DSCC1: variants seen among roughly 807,000 people sequenced by gnomAD.
DSCC1 encodes the protein sister chromatid cohesion protein DCC1.
In DSCC1, 32 loss-of-function variants were observed where a neutral mutation model predicts 48.2. The observed-to-expected ratio is 0.66, with a 90% confidence interval of 0.50 to 0.89. The LOEUF is 0.89. DSCC1 is among the 40% of genes least tolerant of loss of function. The pLI, the probability that DSCC1 is intolerant of heterozygous loss-of-function variation, is 0.00. For missense variants in DSCC1, 421 were observed against 471.7 expected, an observed-to-expected ratio of 0.89 and a Z score of 1.00; for synonymous variants, 150 against 171.5, an observed-to-expected ratio of 0.87 and a Z score of 0.98.
In DSCC1 at chr8:119,850,456, G is replaced by T. The variant is rs763816060; in HGVS notation, c.412C>A (p.Leu138Ile). 3.1e-6 allele frequency: 5 copies of T among 1,600,832 alleles called. No homozygotes were observed. Among genetic ancestry groups the T allele is most frequent in the Non-Finnish European group, 4.3e-6 (5 of 1,175,198 alleles). Residue 138 changes from leucine to isoleucine, a missense_variant, in exon 3 of 9, where the codon CTA (leucine) becomes ATA (isoleucine). Physicochemically the swap from Leu to Ile is conservative, Grantham distance 5. Around this residue, in one of 3 missense-constraint regions of DSCC1, gnomAD observed 174 missense variants for 184.5 expected, o/e 0.94. Coordinates refer to ENST00000313655, the MANE Select transcript of DSCC1 (RefSeq NM_024094.3). ...LRRRRPKLKK[L>I]KKLLMENPYE... ...GGATTTTCCATCAAAAGTTTCTTTA[G>T]CTTCTTTAACTTGGGTCTACGTCTT...
At chr8:119,840,643 G>C (rs1826753436) in intron 7 of DSCC1, among the ~76,000 whole-genome samples, 1 of 152,126 alleles carries the variant, frequency 6.6e-6, no homozygotes, top group South Asian at 2.1e-4. Context: ...CGGGTGCAGT[G>C]GCTCACATCT....
At chr8:119,843,840 G>C (rs1826811445) in intron 4 of DSCC1, 93 bp from the exon 5 acceptor site, 2 of 1,317,368 alleles carry the variant, frequency 1.5e-6, no homozygotes, top group African/African-American at 3.0e-5. Flanking sequence ...TCAGTGGCGT[G>C]ATCTCAGCTC....
intron 7 of DSCC1, 51 bp downstream of exon 7, chr8:119,841,743 C>T (rs1441960273): frequency 6.3e-7 from 1 of 1,587,342 alleles, no homozygotes; most frequent in Non-Finnish European, 8.6e-7. Flanking sequence ...TATCATTCAC[C>T]TAGTAATTAA....
At chr8:119,855,321 C>G (rs893454884) in intron 1 of DSCC1, among the ~76,000 whole-genome samples, 2 of 152,182 alleles carry the variant, frequency 1.3e-5, no homozygotes, top group African/African-American at 4.8e-5. Context: ...TGTAGAGTCC[C>G]TGTAATCACC....
chr8:119,842,374 CT>C (rs60349433), intron 6 of DSCC1, among the ~76,000 whole-genome samples: 49,987 of 133,102 alleles, frequency 0.38, 8,839 homozygotes, highest in South Asian at 0.55. Context: ...CTGCACTGGC[CT>C]TTTTTTTTTT....
At chr8:119,842,394 T>C (rs1826786434) in intron 6 of DSCC1, among the ~76,000 whole-genome samples, 1 of 150,626 alleles carries the variant, frequency 6.6e-6, no homozygotes. Context: ...TTTTTTTTCT[T>C]TCTGAGAGAG....
intron 2 of DSCC1, among the ~76,000 whole-genome samples, chr8:119,851,260 G>T (rs2131310360): frequency 6.6e-6 from 1 of 152,348 alleles, no homozygotes; most frequent in South Asian, 2.1e-4. Context: ...GACAGGGGAT[G>T]CTTCTACTTT....
At position 119,838,323 on chromosome 8, in the gene DSCC1, G is replaced by A. The variant is rs772562797; in HGVS notation, c.1009C>T (p.Arg337Cys). 9.9e-6 allele frequency: 16 copies of A among 1,609,636 alleles called. 2 individuals carry two copies. In the Middle Eastern group the frequency reaches 9.9e-4, roughly 100 times the overall value. Reference sequence around the variant, plus strand: ...CTTAGAGAGAAAAGGCTATTAAAACGTTCCTGATTATCCTCAGGTAAATCA... The same window carrying A: ...CTTAGAGAGAAAAGGCTATTAAAACATTCCTGATTATCCTCAGGTAAATCA... ...VDDLPEDNQERFNSLFSLREK... is the reference protein window; with the variant it reads ...VDDLPEDNQECFNSLFSLREK... The change falls in exon 8 of 9, where the codon CGT becomes TGT. Residue 337 changes from arginine to cysteine, a missense_variant. Physicochemically the swap from Arg to Cys is radical, Grantham distance 180. This residue lies in a region of DSCC1 where 238 missense variants were observed against 259.0 expected (regional missense o/e 0.92). Coordinates refer to ENST00000313655, the MANE Select transcript of DSCC1 (RefSeq NM_024094.3).
intron 4 of DSCC1, 27 bp from the exon 5 acceptor site, chr8:119,843,774 C>T: frequency 1.3e-6 from 2 of 1,593,018 alleles, no homozygotes; most frequent in Non-Finnish European, 1.7e-6. Context: ...TTATATTTAC[C>T]AAAGAACTTT....
intron 8 of DSCC1, among the ~76,000 whole-genome samples, chr8:119,836,690 T>C (rs1297620720): frequency 6.6e-6 from 1 of 151,860 alleles, no homozygotes; most frequent in Non-Finnish European, 1.5e-5. Flanking sequence ...CAACTAGATA[T>C]AGGAATCTGG....
chr8:119,834,797 G>T lies in DSCC1; in HGVS notation c.*96C>A. ...GGAGAAAAATGCCTTAGAAGACTAG[G>T]TTTCTAAAAGTCAGAAATAAAAGTA... is the stretch of plus-strand genomic sequence containing the variant. On this transcript the variant is annotated 3_prime_UTR_variant, in exon 9 of 9. Coordinates refer to ENST00000313655, the MANE Select transcript of DSCC1 (RefSeq NM_024094.3). 1 of 811,818 alleles carries T rather than the reference G, an allele frequency of 1.2e-6. No individual in the cohort carries two copies. Among genetic ancestry groups the T allele is most frequent in the Non-Finnish European group, 2.0e-6 (1 of 490,424 alleles). The allele number at this position is 811,818 out of a possible 1,614,324, so 50.3% of individuals were successfully genotyped here.
At chr8:119,839,361 G>C (rs186521463) in intron 7 of DSCC1, 9 of 152,226 alleles carry the variant, frequency 5.9e-5, no homozygotes, top group Non-Finnish European at 1.5e-5. Context: ...TAGGAAAACA[G>C]GAAACTGAGG....
chr8:119,843,890 T>C lies in DSCC1; in HGVS notation c.578-143A>G. ...CTCCTGGTTTCAAGCAATTCTGCCA[T>C]CTCAGTCTCCTGAGCAGCTGGGACT... On this transcript the variant is annotated intron_variant, in intron 4 of 8. Coordinates refer to ENST00000313655, the MANE Select transcript of DSCC1 (RefSeq NM_024094.3). 6.4e-6 allele frequency: 5 copies of C among 784,008 alleles called. 1 individual carries two copies. The South Asian group carries it at 9.0e-5, about 14-fold the overall frequency. The allele number at this position is 784,008 out of a possible 1,614,324, so 48.6% of individuals were successfully genotyped here.
intron 8 of DSCC1, among the ~76,000 whole-genome samples, 177 bp from the exon 9 acceptor site, chr8:119,835,178 A>G (rs1388335986): frequency 1.3e-5 from 2 of 152,164 alleles, no homozygotes; most frequent in South Asian, 2.1e-4. Flanking sequence ...TAAATTAAGT[A>G]CATTATATGT....
chr8:119,849,047 C>T (rs374844119), intron 3 of DSCC1, among the ~76,000 whole-genome samples: 2,819 of 151,944 alleles, frequency 0.019, 86 homozygotes, highest in African/African-American at 0.064. Context: ...TAGCTGGGCG[C>T]GGTGGCGGGC....
intron 1 of DSCC1, among the ~76,000 whole-genome samples, 189 bp downstream of exon 1, chr8:119,855,425 C>T (rs1323933223): frequency 6.6e-6 from 1 of 152,228 alleles, no homozygotes; most frequent in Admixed American, 6.5e-5. Flanking sequence ...ACCAGTGCTA[C>T]TCATCACCGC....
At chr8:119,849,372 C>T (rs1826912612) in intron 3 of DSCC1, among the ~76,000 whole-genome samples, 1 of 152,130 alleles carries the variant, frequency 6.6e-6, no homozygotes, top group Admixed American at 6.6e-5. Flanking sequence ...CGCCACTGCA[C>T]TCCAGCCTGG....
chr8:119,841,014 C>T (rs1826760743), intron 7 of DSCC1, among the ~76,000 whole-genome samples: 1 of 151,592 alleles, frequency 6.6e-6, no homozygotes, highest in Admixed American at 6.6e-5. Flanking sequence ...ATTTTTGAGA[C>T]AGAGTCTTGC....
chr8:119,841,931 A>G lies in DSCC1; in HGVS notation c.787T>C (p.Leu263=). The G allele has an allele frequency of 6.2e-7, 1 of 1,613,792 alleles. No homozygotes were observed. The highest frequency in any genetic ancestry group is 2.2e-5 in the East Asian group (1 of 44,864). The change falls in exon 7 of 9, where the codon TTG becomes CTG. Residue 263 remains leucine, a synonymous_variant. Transcript: ENST00000313655. Reference sequence around the variant, plus strand: ...GCTCTACATATTTTATCAGCATCCAACTCAAAATAAACTTCGCCTAAGGAA... The same window carrying G: ...GCTCTACATATTTTATCAGCATCCAGCTCAAAATAAACTTCGCCTAAGGAA... The part of the protein sequence containing the change: ...YVDEGEVYFE[L]DADKICRAAA...
Sources: gnomAD v4.1 joint callset for allele counts (sites outside exome capture counted in the v4.1 genomes callset) on GRCh38, gnomAD v4.1.1 for gene constraint, gnomAD v4.1.1 regional missense constraint, MANE v1.5 for transcripts, NCBI Gene and HGNC (gene_info 2026-07-23, HGNC 2026-07-21) for gene names.